FRMD4A: variants seen among roughly 807,000 people sequenced by gnomAD.
The protein encoded by FRMD4A is FERM domain containing 4A.
A neutral mutation model predicts 129.1 loss-of-function variants in FRMD4A; 29 were observed. The ratio of observed to expected loss-of-function variants is 0.22; its 90% CI spans 0.17 to 0.31. FRMD4A has a LOEUF of 0.31. Ranked by LOEUF, FRMD4A falls within the 10% of genes least tolerant of loss-of-function variation. The probability of loss-of-function intolerance (pLI) is 1.00; values close to 1 mark genes in which losing one functional copy is unlikely to be tolerated. For missense variants in FRMD4A, 1,272 were observed against 1,375.8 expected (o/e 0.92, Z 1.19); for synonymous variants, 634 against 571.6 (o/e 1.11, Z -1.56).
In FRMD4A at chr10:13,947,518, C is replaced by T. The variant is rs577881885; in HGVS notation, c.46-88606G>A. ...GACCAAACCAAGATCTGTGGTCATA[C>T]GGGATGCCTAGGGGAGTCTGTCAAA... On this transcript the variant is annotated intron_variant, in intron 2 of 24. Coordinates refer to ENST00000357447, the MANE Select transcript of FRMD4A (RefSeq NM_018027.5). 6.6e-5 allele frequency among the ~76,000 whole-genome samples: 10 copies of T among 151,950 alleles called. No homozygotes were observed. In the South Asian group the frequency reaches 8.4e-4, roughly 13 times the overall value.
intron 2 of FRMD4A, among the ~76,000 whole-genome samples, chr10:14,040,256 T>A (rs1448172702): frequency 5.9e-5 from 9 of 152,064 alleles, no homozygotes; most frequent in Admixed American, 5.9e-4. Flanking sequence ...CTAATTTTTG[T>A]GAACAGTCAC....
At chr10:13,934,749 A>G (rs2095234191) in intron 2 of FRMD4A, among the ~76,000 whole-genome samples, 1 of 152,232 alleles carries the variant, frequency 6.6e-6, no homozygotes, top group Admixed American at 6.5e-5. Flanking sequence ...CTAGAAATGG[A>G]ACACATGATA....
intron 2 of FRMD4A, among the ~76,000 whole-genome samples, chr10:13,999,572 A>C (rs938241986): frequency 2.6e-5 from 4 of 152,182 alleles, no homozygotes; most frequent in Non-Finnish European, 5.9e-5. Context: ...CAATCACTCT[A>C]TGGGAATGTT....
At chr10:14,013,737 G>A (rs1006602126) in intron 2 of FRMD4A, among the ~76,000 whole-genome samples, 2 of 152,110 alleles carry the variant, frequency 1.3e-5, no homozygotes, top group East Asian at 3.9e-4. Context: ...TTCAAGACGA[G>A]CCTGACCAAC....
At chr10:14,125,523 T>C (rs888895668) in intron 2 of FRMD4A, among the ~76,000 whole-genome samples, 3 of 152,144 alleles carry the variant, frequency 2.0e-5, no homozygotes, top group African/African-American at 7.2e-5. Context: ...CATACCAGCA[T>C]GAAGAAGAGG....
At chr10:13,793,589 A>C (rs1399133579) in intron 5 of FRMD4A, among the ~76,000 whole-genome samples, 1 of 152,176 alleles carries the variant, frequency 6.6e-6, no homozygotes, top group Non-Finnish European at 1.5e-5. Flanking sequence ...GGAATCTGGG[A>C]GTCAGGCTGC....
At chr10:13,939,888 G>A (rs972698438) in intron 2 of FRMD4A, among the ~76,000 whole-genome samples, 2 of 152,226 alleles carry the variant, frequency 1.3e-5, no homozygotes, top group African/African-American at 4.8e-5. Flanking sequence ...TGTCCTGATA[G>A]TTGAAGTTGC....
chr10:13,689,374 G>A (rs570829113), intron 15 of FRMD4A, among the ~76,000 whole-genome samples: 4 of 151,988 alleles, frequency 2.6e-5, no homozygotes, highest in Admixed American at 6.6e-5. Context: ...ATTGAAAGAT[G>A]ACAAGATGGA....
intron 2 of FRMD4A, among the ~76,000 whole-genome samples, chr10:14,132,628 C>T (rs1441479196): frequency 6.6e-6 from 1 of 152,216 alleles, no homozygotes; most frequent in Non-Finnish European, 1.5e-5. Flanking sequence ...TCCCCACCAC[C>T]TCCCATTCCT....
intron 2 of FRMD4A, among the ~76,000 whole-genome samples, chr10:14,195,763 A>T (rs1189446906): frequency 2.8e-4 from 43 of 152,182 alleles, no homozygotes; most frequent in Non-Finnish European, 1.5e-5. Context: ...GATAAAATTA[A>T]TAGTAGCAAC....
chr10:13,789,479 T>C lies in FRMD4A; in HGVS notation c.300-6473A>G, dbSNP rs188331341. Among the ~76,000 whole-genome samples, 311 of 151,874 alleles carry C rather than the reference T, an allele frequency of 2.0e-3. 2 individuals are homozygous for C. Among genetic ancestry groups the C allele is most frequent in the African/African-American group, 7.2e-3 (298 of 41,424 alleles). On this transcript the variant is annotated intron_variant, in intron 5 of 24. Coordinates refer to ENST00000357447, the MANE Select transcript of FRMD4A (RefSeq NM_018027.5). ...GAGATGATCAGAACTACAGGACACT[T>C]GGTAGAAGAAAATGTAATTAAAGAA...
intron 2 of FRMD4A, among the ~76,000 whole-genome samples, chr10:14,046,642 TC>T (rs1377753366): frequency 2.0e-5 from 3 of 152,182 alleles, no homozygotes; most frequent in Non-Finnish European, 4.4e-5. Flanking sequence ...CCTTTCTGGT[TC>T]CTGACTTAAT....
intron 2 of FRMD4A, among the ~76,000 whole-genome samples, chr10:13,915,400 C>T (rs558219759): frequency 2.1e-3 from 313 of 151,822 alleles, no homozygotes; most frequent in African/African-American, 7.1e-3. Flanking sequence ...AGGCTGGGCT[C>T]GGTGGCTCAC....
At chr10:13,854,894 C>T (rs778247534) in intron 3 of FRMD4A, among the ~76,000 whole-genome samples, 12 of 152,172 alleles carry the variant, frequency 7.9e-5, no homozygotes, top group African/African-American at 7.2e-5. Flanking sequence ...TGAATGCTCA[C>T]GTCACCTTCC....
intron 2 of FRMD4A, among the ~76,000 whole-genome samples, chr10:13,919,155 T>C (rs930724205): frequency 2.0e-5 from 3 of 152,140 alleles, no homozygotes; most frequent in African/African-American, 7.2e-5. Flanking sequence ...ATAAGTACAG[T>C]TGATGTGTAG....
intron 8 of FRMD4A, among the ~76,000 whole-genome samples, chr10:13,757,863 C>A (rs1418981476): frequency 2.0e-5 from 3 of 152,226 alleles, no homozygotes; most frequent in Non-Finnish European, 4.4e-5. Flanking sequence ...CCTGCCTCAG[C>A]CTCCCGAGTA....
chr10:14,026,914 G>T (rs1833009583), intron 2 of FRMD4A, among the ~76,000 whole-genome samples: 1 of 152,140 alleles, frequency 6.6e-6, no homozygotes, highest in African/African-American at 2.4e-5. Flanking sequence ...CGATCTCAGA[G>T]GAGTGTTCAA....
intron 2 of FRMD4A, among the ~76,000 whole-genome samples, chr10:14,242,729 C>G (rs1490651984): frequency 1.3e-5 from 2 of 152,164 alleles, no homozygotes; most frequent in Non-Finnish European, 2.9e-5. Context: ...AACTAATACT[C>G]CAAGACTTTT....
At chr10:14,027,865 G>A (rs1314977841) in intron 2 of FRMD4A, among the ~76,000 whole-genome samples, 1 of 152,216 alleles carries the variant, frequency 6.6e-6, no homozygotes, top group Non-Finnish European at 1.5e-5. Flanking sequence ...AGAATGCACA[G>A]GAAATTAGTG....
Sources: gnomAD v4.1 joint callset for allele counts (sites outside exome capture counted in the v4.1 genomes callset) on GRCh38, gnomAD v4.1.1 for gene constraint, MANE v1.5 for transcripts, NCBI Gene and HGNC (gene_info 2026-07-23, HGNC 2026-07-21) for gene names.